IL1RAP: variants seen among roughly 807,000 people sequenced by gnomAD.
IL1RAP encodes the protein interleukin 1 receptor accessory protein, also known as interleukin-1 receptor accessory protein.
A neutral mutation model predicts 60.7 loss-of-function variants in IL1RAP; 35 were observed. The ratio of observed to expected loss-of-function variants is 0.58; its 90% CI spans 0.44 to 0.76. The LOEUF (loss-of-function observed/expected upper bound fraction) is 0.76, where lower values mean the gene tolerates loss of function less well. Among genes scored for constraint, IL1RAP ranks in the 30% least tolerant of loss-of-function variants. The probability of loss-of-function intolerance (pLI) is 0.00; values close to 1 mark genes in which losing one functional copy is unlikely to be tolerated. For synonymous variants in IL1RAP, 268 were observed against 250.9 expected, an observed-to-expected ratio of 1.07 and a Z score of -0.64; for missense variants, 572 against 693.9, an observed-to-expected ratio of 0.82 and a Z score of 1.97.
chr3:190,548,971 G>T (rs1367465020), intron 1 of IL1RAP, among the ~76,000 whole-genome samples: 2 of 152,154 alleles, frequency 1.3e-5, no homozygotes, highest in Non-Finnish European at 2.9e-5. Flanking sequence ...TAGGTATATT[G>T]CATAAAAAGA....
At position 190,524,727 on chromosome 3, in the gene IL1RAP, G is replaced by T. The variant is rs546946608; in HGVS notation, c.-89+10508G>T. Among the ~76,000 whole-genome samples, 6 of 152,234 alleles carry T rather than the reference G, an allele frequency of 3.9e-5. No homozygotes were observed. The South Asian group carries it at 1.2e-3, about 32-fold the overall frequency. On this transcript the variant is annotated intron_variant, in intron 1 of 11. Coordinates refer to ENST00000447382, the MANE Select transcript of IL1RAP (RefSeq NM_002182.4). ...CAAATAGCAAATGGCCAATAAGGAG[G>T]CAATGATACATAAATAAGTATATGG...
intron 3 of IL1RAP, among the ~76,000 whole-genome samples, chr3:190,571,885 T>A (rs1319129055): frequency 6.7e-6 from 1 of 149,388 alleles, no homozygotes; most frequent in African/African-American, 2.4e-5. Context: ...TGTTAGCTTA[T>A]TTTATGTGTG....
Position 190,604,207 on chromosome 3 carries a change from A to G in IL1RAP, c.144A>G (p.Pro48=), listed in dbSNP as rs1196845397. The part of the protein sequence containing the change: ...FEDEPARIKC[P]LFEHFLKFNY... ...ATGAGCCAGCTCGCATCAAGTGCCC[A>G]CTCTTTGAACACTTCTTGAAATTCA... The change falls in exon 4 of 12, where the codon CCA becomes CCG. Residue 48 remains proline (P), a synonymous_variant. Transcript: ENST00000447382. The G allele has an allele frequency of 6.2e-7, 1 of 1,613,736 alleles. No homozygotes were observed. Among genetic ancestry groups the G allele is most frequent in the Admixed American group, 1.7e-5 (1 of 59,986 alleles).
At position 190,651,482 on chromosome 3, in the gene IL1RAP, G is replaced by A; in HGVS notation, c.*2777G>A. 1 of 481,212 alleles carries A rather than the reference G, an allele frequency of 2.1e-6. No homozygotes were observed. The highest frequency in any genetic ancestry group is 2.1e-5 in the African/African-American group (1 of 47,736). The allele number at this position is 481,212 out of a possible 1,614,324, so 29.8% of individuals were successfully genotyped here. Reference sequence around the variant, plus strand: ...TCATTTGATTTGTAAATTTACTTATGTTAAAAATAAACCATTTATTTTCAG... The same window carrying A: ...TCATTTGATTTGTAAATTTACTTATATTAAAAATAAACCATTTATTTTCAG... On this transcript the variant is annotated 3_prime_UTR_variant, in exon 12 of 12. Transcript: ENST00000447382.
chr3:190,591,354 C>A (rs1728922146), intron 3 of IL1RAP, among the ~76,000 whole-genome samples: 2 of 152,142 alleles, frequency 1.3e-5, no homozygotes, highest in Admixed American at 1.3e-4. Flanking sequence ...TGGAGACTTA[C>A]CATTGCATAC....
intron 3 of IL1RAP, among the ~76,000 whole-genome samples, chr3:190,593,439 T>C (rs971909899): frequency 2.0e-5 from 3 of 152,198 alleles, no homozygotes; most frequent in Non-Finnish European, 4.4e-5. Context: ...AATAAACATA[T>C]CTAAGTTTTA....
intron 1 of IL1RAP, among the ~76,000 whole-genome samples, chr3:190,534,724 C>T (rs1296382923): frequency 6.6e-6 from 1 of 151,980 alleles, no homozygotes; most frequent in Non-Finnish European, 1.5e-5. Context: ...AGTTGGTAGA[C>T]AGGCCTGAAC....
intron 3 of IL1RAP, among the ~76,000 whole-genome samples, chr3:190,585,884 A>G (rs768348895): frequency 2.6e-5 from 4 of 152,154 alleles, no homozygotes; most frequent in Non-Finnish European, 5.9e-5. Flanking sequence ...AGTTGCTACA[A>G]GGATAAAGTT....
chr3:190,549,492 G>C (rs1024248677), intron 1 of IL1RAP, among the ~76,000 whole-genome samples: 2 of 152,138 alleles, frequency 1.3e-5, no homozygotes, highest in African/African-American at 4.8e-5. Flanking sequence ...CCAAAGCTCC[G>C]GTTGCAAGAC....
At chr3:190,548,655 G>A (rs1724588427) in intron 1 of IL1RAP, among the ~76,000 whole-genome samples, 2 of 152,228 alleles carry the variant, frequency 1.3e-5, no homozygotes, top group Non-Finnish European at 2.9e-5. Context: ...CAGGGCAGAA[G>A]TTTCTCAGGC....
At chr3:190,637,840 T>C (rs1009286325) in intron 9 of IL1RAP, among the ~76,000 whole-genome samples, 3 of 151,886 alleles carry the variant, frequency 2.0e-5, no homozygotes, top group African/African-American at 7.3e-5. Flanking sequence ...ATAGTTTTTT[T>C]TTTATATATT....
chr3:190,544,936 C>T (rs528214543), intron 1 of IL1RAP, among the ~76,000 whole-genome samples: 1 of 152,256 alleles, frequency 6.6e-6, no homozygotes, highest in Admixed American at 6.5e-5. Flanking sequence ...CTAAGCTGAA[C>T]AATGTGGTTC....
chr3:190,530,770 T>C (rs1251514298), intron 1 of IL1RAP, among the ~76,000 whole-genome samples: 4 of 152,354 alleles, frequency 2.6e-5, no homozygotes, highest in Non-Finnish European at 5.9e-5. Context: ...ACTTTGGGGC[T>C]TTACTGAGTG....
intron 3 of IL1RAP, among the ~76,000 whole-genome samples, chr3:190,568,561 C>G (rs770880838): frequency 3.3e-5 from 5 of 152,148 alleles, no homozygotes; most frequent in Non-Finnish European, 4.4e-5. Flanking sequence ...GTAAAAAACA[C>G]TGTGGTTTCC....
At chr3:190,646,335 G>A (rs559862387) in intron 11 of IL1RAP, among the ~76,000 whole-genome samples, 1 of 152,086 alleles carries the variant, frequency 6.6e-6, no homozygotes. Context: ...AATAATTACA[G>A]TATTTTCCTG....
At chr3:190,620,210 T>G in intron 5 of IL1RAP, 65 bp from the exon 6 acceptor site, 1 of 829,756 alleles carries the variant, frequency 1.2e-6, no homozygotes, top group Non-Finnish European at 1.9e-6. Flanking sequence ...TGAGTGTGCG[T>G]GTGTTTGTAT....
chr3:190,650,181 G>A lies in IL1RAP; in HGVS notation c.*1476G>A. On this transcript the variant is annotated 3_prime_UTR_variant, in exon 12 of 12. Transcript: ENST00000447382. ...CAGTTTTTAAATTATGTTTTTACTG[G>A]AATGTTTTTGTGTCAGTGTTTTCTG... The A allele has an allele frequency of 1.0e-6, 1 of 984,270 alleles. No homozygotes were observed. Among genetic ancestry groups the A allele is most frequent in the Non-Finnish European group, 1.2e-6 (1 of 829,012 alleles). 61.0% of individuals were successfully genotyped at this position (984,270 alleles called of 1,614,324 possible).
chr3:190,636,516 T>TC (rs770626760), intron 9 of IL1RAP, among the ~76,000 whole-genome samples: 35 of 151,814 alleles, frequency 2.3e-4, no homozygotes, highest in Non-Finnish European at 4.3e-4. Context: ...ATTCCAGCTT[T>TC]CTTTTTTTTT....
intron 1 of IL1RAP, among the ~76,000 whole-genome samples, chr3:190,544,216 T>G (rs766075997): frequency 2.6e-5 from 4 of 152,310 alleles, no homozygotes; most frequent in Admixed American, 1.3e-4. Flanking sequence ...CTTTTATCAT[T>G]GGAAAAATAA....
Sources: allele counts gnomAD v4.1 joint callset (sites outside exome capture counted in the v4.1 genomes callset), GRCh38; gene constraint gnomAD v4.1.1; transcripts MANE v1.5; gene names NCBI Gene and HGNC (gene_info 2026-07-23, HGNC 2026-07-21).